The following CRPPA variants were observed in gnomAD, a reference collection of about 807,000 sequenced individuals.
CRPPA encodes the protein D-ribitol-5-phosphate cytidylyltransferase.
A neutral mutation model predicts 52.0 loss-of-function variants in CRPPA; 43 were observed. The observed-to-expected ratio is 0.83, with a 90% CI of 0.65 to 1.07. The LOEUF (loss-of-function observed/expected upper bound fraction) is 1.07, where lower values mean the gene tolerates loss of function less well. CRPPA is among the 50% of genes least tolerant of loss of function. The pLI, the probability that CRPPA is intolerant of heterozygous loss-of-function variation, is 0.00. For synonymous variants in CRPPA, 250 were observed against 203.5 expected, an observed-to-expected ratio of 1.23 and a Z score of -1.94; for missense variants, 629 against 551.7, an observed-to-expected ratio of 1.14 and a Z score of -1.40.
At chr7:16,369,966 CAGA>C (rs1251213849) in intron 3 of CRPPA, among the ~76,000 whole-genome samples, 38 of 152,186 alleles carry the variant, frequency 2.5e-4, no homozygotes, top group African/African-American at 9.2e-4. Context: ...CAAACCACAG[CAGA>C]AGCTCTTAAC....
At chr7:16,341,667 TTTAA>T (rs71949858) in intron 3 of CRPPA, among the ~76,000 whole-genome samples, 4,134 of 152,242 alleles carry the variant, frequency 0.027, 182 homozygotes, top group African/African-American at 0.094. Context: ...TTTTAGGGAC[TTTAA>T]TTAATAACGT....
chr7:16,154,120 T>C (rs1325132988), intron 9 of CRPPA, among the ~76,000 whole-genome samples: 4 of 151,570 alleles, frequency 2.6e-5, no homozygotes, highest in African/African-American at 9.7e-5. Flanking sequence ...GCAGCGGTTG[T>C]GGCCTGCCTC....
In CRPPA at chr7:16,289,129, C is replaced by G. The variant is rs185524400; in HGVS notation, c.836-10903G>C. 2.6e-5 allele frequency among the ~76,000 whole-genome samples: 4 copies of G among 152,118 alleles called. No individual in the cohort carries two copies. In the East Asian group the frequency reaches 7.7e-4, roughly 29 times the overall value. Reference sequence around the variant, plus strand: ...GAGGAAGTTGTTAAATTCCAGGACACATACAACCTACCAAGATCGAAAGAG... The same window carrying G: ...GAGGAAGTTGTTAAATTCCAGGACAGATACAACCTACCAAGATCGAAAGAG... On this transcript the variant is annotated intron_variant, in intron 5 of 9. Transcript: ENST00000407010.
intron 9 of CRPPA, among the ~76,000 whole-genome samples, chr7:16,146,402 A>G (rs1410918171): frequency 6.6e-6 from 1 of 152,166 alleles, no homozygotes; most frequent in Non-Finnish European, 1.5e-5. Context: ...TTGAAACAAA[A>G]GACACTAGTT....
At chr7:16,303,454 T>C (rs964823779) in intron 4 of CRPPA, among the ~76,000 whole-genome samples, 1 of 106,928 alleles carries the variant, frequency 9.4e-6, no homozygotes, top group Non-Finnish European at 1.9e-5. Context: ...TTGTTCTTGT[T>C]TCTGTGTTGA....
At position 16,310,591 on chromosome 7, in the gene CRPPA, AG is replaced by A. The variant is rs529184170; in HGVS notation, c.685-1965del. 3.3e-3 allele frequency among the ~76,000 whole-genome samples: 506 copies of A among 152,282 alleles called. 1 individual carries two copies. Among genetic ancestry groups the A allele is most frequent in the Middle Eastern group, 6.8e-3 (2 of 294 alleles). On this transcript the variant is annotated intron_variant, in intron 3 of 9. Coordinates refer to ENST00000407010, the MANE Select transcript of CRPPA (RefSeq NM_001101426.4). Reference sequence around the variant, plus strand: ...GTGACGGGGTAATATTTAAAAAGGCAGAAAAGGAAAGAGTCGTGTGACTCAT... The same window carrying A: ...GTGACGGGGTAATATTTAAAAAGGCAAAAAGGAAAGAGTCGTGTGACTCAT...
chr7:16,397,654 CAT>C (rs1033711748), intron 2 of CRPPA, among the ~76,000 whole-genome samples: 25 of 152,110 alleles, frequency 1.6e-4, no homozygotes, highest in Middle Eastern at 6.9e-3. Context: ...ACATGACTGA[CAT>C]GTGACTAAGA....
chr7:16,225,157 A>G (rs967963850), intron 8 of CRPPA, among the ~76,000 whole-genome samples: 1 of 152,076 alleles, frequency 6.6e-6, no homozygotes, highest in Non-Finnish European at 1.5e-5. Context: ...AATGAGTTTC[A>G]TAATATCAGT....
chr7:16,420,717 C>T (rs773144863), intron 1 of CRPPA, among the ~76,000 whole-genome samples: 5 of 152,154 alleles, frequency 3.3e-5, no homozygotes, highest in African/African-American at 9.7e-5. Context: ...GCCCCAGGAC[C>T]GCGAGACTAT....
rs1788331869 is a variant in CRPPA, at chr7:16,421,290, C to T, written c.33G>A (p.Pro11=). The change falls in exon 1 of 10, where the codon CCG becomes CCA. Residue 11 remains proline, a synonymous_variant. Transcript: ENST00000407010. MEAGPPGSAR[P]AEPGPCLSGQ... ...CACTCAGGCAAGGACCCGGCTCCGC[C>T]GGCCTGGCGCTGCCCGGCGGCCCGG... The T allele has an allele frequency of 3.9e-6, 5 of 1,269,250 alleles. No individual in the cohort carries two copies. In the African/African-American group the frequency reaches 4.7e-5, roughly 12 times the overall value. 78.6% of individuals were successfully genotyped at this position (1,269,250 alleles called of 1,614,324 possible). A position where few individuals can be genotyped will look rare whatever the true frequency, so the allele number is the denominator to read the frequency against.
At chr7:16,227,313 C>T (rs970476860) in intron 8 of CRPPA, among the ~76,000 whole-genome samples, 1 of 151,840 alleles carries the variant, frequency 6.6e-6, no homozygotes, top group Non-Finnish European at 1.5e-5. Flanking sequence ...AATCTCCATA[C>T]TGCTTTCTAT....
At chr7:16,315,476 C>A (rs1785125462) in intron 3 of CRPPA, among the ~76,000 whole-genome samples, 1 of 152,102 alleles carries the variant, frequency 6.6e-6, no homozygotes, top group Non-Finnish European at 1.5e-5. Context: ...TTTCTCAGTT[C>A]TCTGCCTCTC....
intron 1 of CRPPA, among the ~76,000 whole-genome samples, chr7:16,418,374 AT>A (rs1383349193): frequency 1.3e-5 from 2 of 152,208 alleles, no homozygotes; most frequent in Non-Finnish European, 2.9e-5. Context: ...CAAACGTTTT[AT>A]TTTCCATAAA....
intron 2 of CRPPA, among the ~76,000 whole-genome samples, chr7:16,383,913 C>T (rs912401989): frequency 2.0e-5 from 3 of 152,204 alleles, no homozygotes; most frequent in African/African-American, 4.8e-5. Context: ...CTTTCTTTGA[C>T]TAGGAAAGGG....
intron 8 of CRPPA, among the ~76,000 whole-genome samples, chr7:16,251,568 G>C (rs1309387991): frequency 6.6e-6 from 1 of 152,162 alleles, no homozygotes; most frequent in African/African-American, 2.4e-5. Context: ...TCAGGATTAA[G>C]AAACTCACTC....
chr7:16,357,658 GCTAT>G (rs759633407), intron 3 of CRPPA, among the ~76,000 whole-genome samples: 6 of 152,140 alleles, frequency 3.9e-5, no homozygotes, highest in Non-Finnish European at 8.8e-5. Context: ...CAGGAGAAAA[GCTAT>G]CATTCAGCAT....
At chr7:16,120,642 T>A (rs1261120719) in intron 9 of CRPPA, among the ~76,000 whole-genome samples, 1 of 152,136 alleles carries the variant, frequency 6.6e-6, no homozygotes, top group Non-Finnish European at 1.5e-5. Context: ...ATCTCTACTT[T>A]TCCTTGCTGT....
intron 6 of CRPPA, chr7:16,270,440 A>G (rs1056451171): frequency 6.6e-6 from 1 of 152,174 alleles, no homozygotes; most frequent in Non-Finnish European, 1.5e-5. Flanking sequence ...TAAAACCATG[A>G]CAATCAGTTA....
chr7:16,206,014 T>C (rs1018286384), intron 9 of CRPPA, among the ~76,000 whole-genome samples: 20 of 152,184 alleles, frequency 1.3e-4, no homozygotes, highest in South Asian at 1.2e-3. Context: ...ACCTAACCAG[T>C]AGACAAGCAA....
Sources: gnomAD v4.1 joint callset for allele counts (sites outside exome capture counted in the v4.1 genomes callset) on GRCh38, gnomAD v4.1.1 for gene constraint, MANE v1.5 for transcripts, NCBI Gene and HGNC (gene_info 2026-07-23, HGNC 2026-07-21) for gene names.